EVC2: variants seen among roughly 807,000 people sequenced by gnomAD.
EVC2 encodes EvC ciliary complex subunit 2.
Under a neutral mutation model 149.3 loss-of-function variants are expected in EVC2, and 148 were observed. The observed-to-expected ratio is 0.99, with a 90% CI of 0.87 to 1.14. The LOEUF (loss-of-function observed/expected upper bound fraction) is 1.14, where lower values mean the gene tolerates loss of function less well. EVC2 is among the 50% of genes most tolerant of loss of function. The pLI is 0.00. For missense variants in EVC2, 1,854 were observed against 1,627.3 expected (o/e 1.14, Z -2.40); for synonymous variants, 776 against 649.9 (o/e 1.19, Z -2.95).
At chr4:5,687,236 G>A (rs918832744) in intron 5 of EVC2, among the ~76,000 whole-genome samples, 6 of 151,840 alleles carry the variant, frequency 4.0e-5, no homozygotes, top group Non-Finnish European at 8.8e-5. Flanking sequence ...TAGGCTGGGC[G>A]ACAAGCATGA....
chr4:5,689,236 A>C lies in EVC2; in HGVS notation c.627T>G (p.Ile209Met), dbSNP rs1415784175. 1.9e-6 allele frequency: 3 copies of C among 1,614,218 alleles called. No individual in the cohort carries two copies. Among genetic ancestry groups the C allele is most frequent in the Non-Finnish European group, 2.5e-6 (3 of 1,180,044 alleles). ...CAGAGTCCCAAATGGTGAGACCAGC[A>C]ATGCTGTCCAGCAAGAGCAGCTCCG... Reference protein sequence around the residue: ...NLSELLLLDSIAGLTIWDSVG... With the variant: ...NLSELLLLDSMAGLTIWDSVG... Residue 209 changes from isoleucine (I) to methionine (M), a missense_variant, in exon 5 of 22, where the codon ATT (isoleucine) becomes ATG (methionine). Transcript: ENST00000344408.
At chr4:5,605,389 G>A (rs925811517) in intron 16 of EVC2, among the ~76,000 whole-genome samples, 1 of 152,160 alleles carries the variant, frequency 6.6e-6, no homozygotes, top group African/African-American at 2.4e-5. Context: ...TTTGTTTAAT[G>A]TGGTGAGCCT....
chr4:5,632,804 T>A (rs73794683), intron 10 of EVC2, among the ~76,000 whole-genome samples: 9,535 of 152,016 alleles, frequency 0.063, 965 homozygotes, highest in African/African-American at 0.21. Context: ...ATTATCTCAG[T>A]AAGGAGCTGA....
At chr4:5,621,541 TG>T (rs1715688755) in intron 14 of EVC2, among the ~76,000 whole-genome samples, 1 of 152,326 alleles carries the variant, frequency 6.6e-6, no homozygotes, top group East Asian at 1.9e-4. Flanking sequence ...GTTTCCAATC[TG>T]TTGCCAGCCC....
chr4:5,622,475 C>T lies in EVC2; in HGVS notation c.2501+62G>A, dbSNP rs1442263413. On this transcript the variant is annotated intron_variant, in intron 14 of 21. Coordinates refer to ENST00000344408, the MANE Select transcript of EVC2 (RefSeq NM_147127.5). The surrounding 1 kb of genome is among the most constrained non-coding windows in gnomAD (Gnocchi z 5.8). ...CTTGGCCATCCCCACAACCACAGGG[C>T]AGGAATCTCCCTGGCATCAACGGGA... is the stretch of plus-strand genomic sequence containing the variant. 29 of 1,566,554 alleles carry T rather than the reference C, an allele frequency of 1.9e-5. No homozygotes were observed. The highest frequency in any genetic ancestry group is 2.5e-5 in the Non-Finnish European group (29 of 1,150,032).
intron 1 of EVC2, among the ~76,000 whole-genome samples, chr4:5,702,681 T>G (rs75070675): frequency 6.6e-6 from 1 of 152,294 alleles, no homozygotes; most frequent in Non-Finnish European, 1.5e-5. Context: ...TGGGAAATGG[T>G]TGTAATTGCC....
chr4:5,656,904 T>C (rs1359810578), intron 9 of EVC2, among the ~76,000 whole-genome samples: 1 of 152,156 alleles, frequency 6.6e-6, no homozygotes, highest in Non-Finnish European at 1.5e-5. Flanking sequence ...GGAAAAGCTC[T>C]CCAGGCCAGC....
In EVC2 at chr4:5,641,820, C is replaced by T. The variant is rs574758817; in HGVS notation, c.1146-982G>A. 9.9e-5 allele frequency among the ~76,000 whole-genome samples: 15 copies of T among 152,218 alleles called. No individual in the cohort carries two copies. In the South Asian group the frequency reaches 2.1e-3, roughly 21 times the overall value. ...TAAGTTCTGGGATACATGTGCTGAA[C>T]GTGCAGGTTTGTTACACAGGTTTAC... On this transcript the variant is annotated intron_variant, in intron 9 of 21. Transcript: ENST00000344408.
In EVC2 at chr4:5,543,024, AT is replaced by A. The variant is rs916549314; in HGVS notation, c.*85+21del. ...TGTTAAGTGATGCGGGCAGAGCAGA[AT>A]TCTGTATTTTTCTGACTTACTATTA... On this transcript the variant is annotated intron_variant and NMD_transcript_variant, in intron 22 of 22. Coordinates refer to the EVC2 transcript ENST00000475313. 3 of 699,294 alleles carry A rather than the reference AT, an allele frequency of 4.3e-6. No individual in the cohort carries two copies. In the African/African-American group the frequency reaches 5.5e-5, roughly 13 times the overall value. 43.3% of individuals were successfully genotyped at this position (699,294 alleles called of 1,614,324 possible).
chr4:5,693,902 A>T (rs759665952), intron 3 of EVC2, among the ~76,000 whole-genome samples: 2 of 152,250 alleles, frequency 1.3e-5, no homozygotes, highest in Non-Finnish European at 2.9e-5. Context: ...AAATGAGAAT[A>T]AAAATATTAC....
intron 17 of EVC2, among the ~76,000 whole-genome samples, chr4:5,582,866 C>T (rs1412274962): frequency 6.6e-6 from 1 of 152,054 alleles, no homozygotes; most frequent in Non-Finnish European, 1.5e-5. Context: ...GTGGCACCTC[C>T]CCCTACTTCT....
Position 5,699,042 on chromosome 4 carries a change from G to C in EVC2, c.229-1395C>G, listed in dbSNP as rs138148893. On this transcript the variant is annotated intron_variant, in intron 1 of 21. Transcript: ENST00000344408. ...TTACAGGCCTCCAGGACCCTGGCTG[G>C]GGCAGTTCTGCTGGGGTGATGTAAC... 4.3e-3 allele frequency among the ~76,000 whole-genome samples: 652 copies of C among 152,300 alleles called. 4 individuals are homozygous for C. Among genetic ancestry groups the C allele is most frequent in the Middle Eastern group, 0.02 (6 of 294 alleles).
rs1357951158 is a variant in EVC2, at chr4:5,697,655, A to T, written c.229-8T>A. 3 of 1,613,874 alleles carry T rather than the reference A, an allele frequency of 1.9e-6. No homozygotes were observed. In the East Asian group the frequency reaches 6.7e-5, roughly 36 times the overall value. On this transcript the variant is annotated splice_polypyrimidine_tract_variant and splice_region_variant and intron_variant, in intron 1 of 21. Coordinates refer to ENST00000344408, the MANE Select transcript of EVC2 (RefSeq NM_147127.5). ...AATCATACAGGGCAAGTCCTAAAAAATTCAAGACACAAAGTCATTAATGGA... is the reference window on the plus strand; with the variant it reads ...AATCATACAGGGCAAGTCCTAAAAATTTCAAGACACAAAGTCATTAATGGA...
chr4:5,628,020 A>G (rs1716242272), intron 12 of EVC2, among the ~76,000 whole-genome samples: 1 of 152,186 alleles, frequency 6.6e-6, no homozygotes, highest in South Asian at 2.1e-4. Flanking sequence ...GCAACAGTCT[A>G]TGTCTAGACT....
At chr4:5,655,668 A>G (rs1345979621) in intron 9 of EVC2, among the ~76,000 whole-genome samples, 1 of 151,780 alleles carries the variant, frequency 6.6e-6, no homozygotes, top group Non-Finnish European at 1.5e-5. Context: ...CTGTGCTGAG[A>G]GCCTCAGAGG....
rs188563637 is a variant in EVC2, at chr4:5,674,446, T to C, written c.870+6814A>G. Among the ~76,000 whole-genome samples, 321 of 152,246 alleles carry C rather than the reference T, an allele frequency of 2.1e-3. 1 individual carries two copies. The highest frequency in any genetic ancestry group is 3.1e-3 in the Non-Finnish European group (208 of 68,016). ...TTTAAGGTCTCTTCCAGTTCAACAA[T>C]TCTATTCTGATGTCAACAAAAAGGT... On this transcript the variant is annotated intron_variant, in intron 7 of 21. Transcript: ENST00000344408.
chr4:5,555,302 A>G (rs887314593), intron 21 of EVC2, among the ~76,000 whole-genome samples: 1 of 152,192 alleles, frequency 6.6e-6, no homozygotes, highest in Non-Finnish European at 1.5e-5. Context: ...ATATTAATCC[A>G]ACTATACTAA....
At chr4:5,606,345 G>A (rs372391166) in intron 16 of EVC2, among the ~76,000 whole-genome samples, 9 of 152,142 alleles carry the variant, frequency 5.9e-5, no homozygotes, top group Admixed American at 2.6e-4. Context: ...TACATACTTT[G>A]ATCTCTAAGA....
intron 9 of EVC2, among the ~76,000 whole-genome samples, chr4:5,641,793 C>T (rs1164905782): frequency 6.6e-6 from 1 of 151,976 alleles, no homozygotes. Flanking sequence ...TTTATTTTAC[C>T]TTAAGTTCTG....
Sources: gnomAD v4.1 joint callset for allele counts (sites outside exome capture counted in the v4.1 genomes callset) on GRCh38, gnomAD v4.1.1 for gene constraint, Gnocchi (gnomAD v3.1) non-coding constraint, MANE v1.5 for transcripts, NCBI Gene and HGNC (gene_info 2026-07-23, HGNC 2026-07-21) for gene names.